The following TAFA5 variants were observed in gnomAD, a reference collection of about 807,000 sequenced individuals.
TAFA5 encodes chemokine-like protein TAFA-5.
A neutral mutation model predicts 15.3 loss-of-function variants in TAFA5; 6 were observed. That is an observed-to-expected ratio of 0.39 (90% CI 0.21 to 0.77). TAFA5 has a LOEUF of 0.77. TAFA5 is among the 30% of genes least tolerant of loss of function. The pLI, the probability that TAFA5 is intolerant of heterozygous loss-of-function variation, is 0.41. For synonymous variants in TAFA5, 103 were observed against 80.7 expected, an observed-to-expected ratio of 1.28 and a Z score of -1.48; for missense variants, 161 against 193.1, an observed-to-expected ratio of 0.83 and a Z score of 0.98.
In TAFA5 at chr22:48,616,331, G is replaced by A. The variant is rs1000638155; in HGVS notation, c.113-30266G>A. ...TAAAATTCGAGCATTTTCTGGTCGA[G>A]GCCTGATGAGCCTGAAGGCCCAAGT... On this transcript the variant is annotated intron_variant, in intron 1 of 3. Coordinates refer to ENST00000402357, the MANE Select transcript of TAFA5 (RefSeq NM_001082967.3). Among the ~76,000 whole-genome samples, 3 of 152,228 alleles carry A rather than the reference G, an allele frequency of 2.0e-5. No homozygotes were observed. The South Asian group carries it at 6.2e-4, about 32-fold the overall frequency.
chr22:48,690,914 G>A (rs1928520641), intron 2 of TAFA5, among the ~76,000 whole-genome samples: 1 of 152,250 alleles, frequency 6.6e-6, no homozygotes, highest in East Asian at 1.9e-4. Flanking sequence ...GAGGGAGGAC[G>A]CCTCGCCTCC....
At chr22:48,617,611 A>G (rs1380816178) in intron 1 of TAFA5, among the ~76,000 whole-genome samples, 2 of 152,228 alleles carry the variant, frequency 1.3e-5, no homozygotes, top group African/African-American at 4.8e-5. Flanking sequence ...TGGCCCATGA[A>G]AGAAACTGGG....
intron 3 of TAFA5, among the ~76,000 whole-genome samples, chr22:48,730,219 C>G (rs1320426767): frequency 6.6e-6 from 1 of 152,066 alleles, no homozygotes; most frequent in Non-Finnish European, 1.5e-5. Context: ...TTCATCTCTA[C>G]TAAAATACAA....
chr22:48,584,023 GCCA>G (rs1924220110), intron 1 of TAFA5, among the ~76,000 whole-genome samples: 2 of 92,762 alleles, frequency 2.2e-5, no homozygotes, highest in African/African-American at 4.4e-5. Context: ...CACACCACAC[GCCA>G]CACACCACAC....
chr22:48,502,853 T>A (rs1422871046), intron 1 of TAFA5, among the ~76,000 whole-genome samples: 1 of 152,204 alleles, frequency 6.6e-6, no homozygotes, highest in Non-Finnish European at 1.5e-5. Flanking sequence ...GAAAAGACAC[T>A]TTTGCTGTGC....
At chr22:48,575,710 G>A (rs1350238465) in intron 1 of TAFA5, among the ~76,000 whole-genome samples, 1 of 145,066 alleles carries the variant, frequency 6.9e-6, no homozygotes, top group Non-Finnish European at 1.5e-5. Context: ...GCTGCTGGGA[G>A]CGCAGAGGCC....
intron 1 of TAFA5, among the ~76,000 whole-genome samples, chr22:48,586,171 A>G: frequency 6.6e-6 from 1 of 152,228 alleles, no homozygotes; most frequent in East Asian, 1.9e-4. Flanking sequence ...TGGCCCAGTG[A>G]GGTCAAGGGA....
intron 3 of TAFA5, among the ~76,000 whole-genome samples, chr22:48,726,239 G>A (rs1929710636): frequency 6.6e-6 from 1 of 152,226 alleles, no homozygotes; most frequent in Non-Finnish European, 1.5e-5. Flanking sequence ...CTTTAGATTT[G>A]CAAGGATTTA....
At chr22:48,594,183 C>G (rs1924676660) in intron 1 of TAFA5, among the ~76,000 whole-genome samples, 1 of 152,198 alleles carries the variant, frequency 6.6e-6, no homozygotes, top group South Asian at 2.1e-4. Context: ...CAGGCGGCTG[C>G]TCTTGGCCAG....
chr22:48,578,736 CTGCCTGTCTGTCTGGA>C (rs1923915418), intron 1 of TAFA5, among the ~76,000 whole-genome samples: 2 of 152,238 alleles, frequency 1.3e-5, no homozygotes, highest in African/African-American at 4.8e-5. Context: ...TTGAGCCCTG[CTGCCTGTCTGTCTGGA>C]AGGTCAGGAC....
At chr22:48,512,703 G>A (rs1226664500) in intron 1 of TAFA5, among the ~76,000 whole-genome samples, 2 of 151,912 alleles carry the variant, frequency 1.3e-5, no homozygotes, top group African/African-American at 2.4e-5. Context: ...GGTGGATCAC[G>A]AGGTCAGGAG....
chr22:48,594,830 A>G (rs1924703752), intron 1 of TAFA5, among the ~76,000 whole-genome samples: 2 of 151,774 alleles, frequency 1.3e-5, no homozygotes, highest in African/African-American at 4.8e-5. Context: ...GCTGTCTCTC[A>G]GCCCCGGAGG....
chr22:48,581,199 T>C (rs1924026020), intron 1 of TAFA5, among the ~76,000 whole-genome samples: 1 of 152,186 alleles, frequency 6.6e-6, no homozygotes, highest in African/African-American at 2.4e-5. Flanking sequence ...ATAAAAGGAC[T>C]GGAAATGGAG....
rs572497833 is a variant in TAFA5, at chr22:48,507,116, C to T, written c.112+17412C>T. On this transcript the variant is annotated intron_variant, in intron 1 of 3. Coordinates refer to ENST00000402357, the MANE Select transcript of TAFA5 (RefSeq NM_001082967.3). ...ATGCAGTTGGAGGAGAAGGAGGTGG[C>T]CGCCAAGGGCCAGGTGTGCAGTAGG... Among the ~76,000 whole-genome samples the T allele has an allele frequency of 4.0e-5, 6 of 151,182 alleles. No individual in the cohort carries two copies. The South Asian group carries it at 1.0e-3, about 26-fold the overall frequency.
At chr22:48,676,017 C>T (rs575342573) in intron 2 of TAFA5, among the ~76,000 whole-genome samples, 2 of 152,380 alleles carry the variant, frequency 1.3e-5, no homozygotes, top group South Asian at 2.1e-4. Flanking sequence ...AGGCAGCTGG[C>T]GGTGGGGCAG....
intron 2 of TAFA5, among the ~76,000 whole-genome samples, chr22:48,673,864 ACT>A (rs1194387253): frequency 2.0e-5 from 3 of 151,964 alleles, no homozygotes; most frequent in African/African-American, 7.2e-5. Flanking sequence ...CCTTCCCCTA[ACT>A]CTGCCTGGGA....
intron 1 of TAFA5, among the ~76,000 whole-genome samples, chr22:48,561,639 A>G (rs1323278115): frequency 6.6e-6 from 1 of 152,160 alleles, no homozygotes; most frequent in Non-Finnish European, 1.5e-5. Flanking sequence ...TGGCCACGGC[A>G]ACGCCTCAAG....
intron 3 of TAFA5, among the ~76,000 whole-genome samples, chr22:48,735,108 C>T (rs1224920250): frequency 6.6e-6 from 1 of 152,224 alleles, no homozygotes; most frequent in Non-Finnish European, 1.5e-5. Flanking sequence ...CCATGGGCTG[C>T]AGACTGTTCT....
At chr22:48,494,673 G>A (rs980341137) in intron 1 of TAFA5, among the ~76,000 whole-genome samples, 3 of 152,154 alleles carry the variant, frequency 2.0e-5, no homozygotes, top group Non-Finnish European at 1.5e-5. Flanking sequence ...TGGAGGCCCT[G>A]GATAGGCCTG....
Sources: allele counts gnomAD v4.1 joint callset (sites outside exome capture counted in the v4.1 genomes callset), GRCh38; gene constraint gnomAD v4.1.1; transcripts MANE v1.5; gene names NCBI Gene and HGNC (gene_info 2026-07-23, HGNC 2026-07-21).